MYO1D: variants seen among roughly 807,000 people sequenced by gnomAD.
MYO1D encodes the protein unconventional myosin-Id.
A neutral mutation model predicts 122.0 loss-of-function variants in MYO1D; 83 were observed. The ratio of observed to expected loss-of-function variants is 0.68; its 90% CI spans 0.57 to 0.82. The LOEUF (loss-of-function observed/expected upper bound fraction) is 0.82, where lower values mean the gene tolerates loss of function less well. Ranked by LOEUF, MYO1D falls within the 40% of genes least tolerant of loss-of-function variation. The pLI is 0.00. For missense variants in MYO1D, 1,157 were observed against 1,269.5 expected (o/e 0.91, Z 1.35); for synonymous variants, 464 against 446.9 (o/e 1.04, Z -0.48).
chr17:32,766,086 T>C (rs1189746144), intron 7 of MYO1D, among the ~76,000 whole-genome samples: 2 of 152,068 alleles, frequency 1.3e-5, no homozygotes, highest in Admixed American at 6.5e-5. Context: ...GGTTTTGCCA[T>C]GTTGCCCAGG....
intron 1 of MYO1D, among the ~76,000 whole-genome samples, chr17:32,805,777 G>T (rs916049681): frequency 1.3e-5 from 2 of 152,126 alleles, no homozygotes; most frequent in African/African-American, 4.8e-5. Context: ...ACTGCTCTTG[G>T]ATCTGAATTC....
chr17:32,566,997 A>T (rs1169208061), intron 21 of MYO1D, among the ~76,000 whole-genome samples: 1 of 150,526 alleles, frequency 6.6e-6, no homozygotes, highest in African/African-American at 2.5e-5. Flanking sequence ...TGCTCCATCC[A>T]TGTTCACAGA....
intron 14 of MYO1D, among the ~76,000 whole-genome samples, chr17:32,733,003 T>C (rs1959262500): frequency 6.6e-6 from 1 of 152,208 alleles, no homozygotes; most frequent in South Asian, 2.1e-4. Context: ...AACCAGTGTC[T>C]GTGCCGGCAC....
intron 21 of MYO1D, among the ~76,000 whole-genome samples, chr17:32,497,402 A>C (rs1909159511): frequency 6.6e-6 from 1 of 152,126 alleles, no homozygotes; most frequent in Non-Finnish European, 1.5e-5. Flanking sequence ...GGCTGTGATG[A>C]GCTATGATGA....
At chr17:32,538,469 A>ATTT (rs61287547) in intron 21 of MYO1D, among the ~76,000 whole-genome samples, 13 of 113,592 alleles carry the variant, frequency 1.1e-4, no homozygotes, top group African/African-American at 3.7e-4. Context: ...TATTATTATT[A>ATTT]TTTTTTTTTT....
chr17:32,804,760 T>C (rs1038144365), intron 1 of MYO1D, among the ~76,000 whole-genome samples: 1 of 152,174 alleles, frequency 6.6e-6, no homozygotes, highest in Non-Finnish European at 1.5e-5. Flanking sequence ...TGGTCTGTGA[T>C]AAGTAAGGAA....
intron 20 of MYO1D, among the ~76,000 whole-genome samples, chr17:32,620,549 C>T (rs560979213): frequency 2.0e-5 from 3 of 152,112 alleles, no homozygotes; most frequent in South Asian, 2.1e-4. Context: ...CCAGGGAACC[C>T]CCCCCTGCCA....
intron 1 of MYO1D, among the ~76,000 whole-genome samples, chr17:32,844,383 A>G (rs1287991600): frequency 6.8e-6 from 1 of 146,738 alleles, no homozygotes; most frequent in African/African-American, 2.5e-5. Context: ...ATATATGTGT[A>G]TATATACTAT....
chr17:32,810,529 G>A (rs1335515882), intron 1 of MYO1D, among the ~76,000 whole-genome samples: 1 of 151,130 alleles, frequency 6.6e-6, no homozygotes, highest in Non-Finnish European at 1.5e-5. Context: ...CCAGGCTGGA[G>A]TGCAATGGCG....
intron 1 of MYO1D, among the ~76,000 whole-genome samples, chr17:32,834,093 G>A (rs1027032594): frequency 6.6e-6 from 1 of 152,128 alleles, no homozygotes; most frequent in African/African-American, 2.4e-5. Context: ...GACAAGGATG[G>A]TGCTCAGCAT....
intron 8 of MYO1D, 127 bp downstream of exon 8, chr17:32,764,751 A>T: frequency 1.0e-6 from 1 of 994,976 alleles, no homozygotes. Context: ...TATGGCCAGA[A>T]AGTATCATTA....
intron 14 of MYO1D, among the ~76,000 whole-genome samples, chr17:32,726,588 T>C (rs941742684): frequency 2.7e-5 from 4 of 150,024 alleles, no homozygotes; most frequent in South Asian, 2.1e-4. Flanking sequence ...ATTATATCTA[T>C]ATCATCTAAT....
chr17:32,707,315 A>C (rs2089321359), intron 16 of MYO1D, among the ~76,000 whole-genome samples: 1 of 152,160 alleles, frequency 6.6e-6, no homozygotes, highest in African/African-American at 2.4e-5. Context: ...TGTAGAAATA[A>C]GGTATTATTT....
At chr17:32,522,732 C>T (rs1461263967) in intron 21 of MYO1D, among the ~76,000 whole-genome samples, 3 of 151,968 alleles carry the variant, frequency 2.0e-5, no homozygotes, top group African/African-American at 7.3e-5. Context: ...TGCTCATTAC[C>T]CACTGAGGAG....
intron 16 of MYO1D, among the ~76,000 whole-genome samples, chr17:32,685,996 T>A (rs1471958929): frequency 6.6e-6 from 1 of 152,136 alleles, no homozygotes; most frequent in African/African-American, 2.4e-5. Context: ...TCCACCAAGT[T>A]TTAGAGTGAT....
intron 1 of MYO1D, among the ~76,000 whole-genome samples, chr17:32,825,617 A>G (rs142212242): frequency 1.1e-3 from 165 of 152,346 alleles, no homozygotes; most frequent in African/African-American, 3.8e-3. Context: ...GCAAGGTCAC[A>G]TGCTCATATG....
At chr17:32,822,053 T>C (rs2090670526) in intron 1 of MYO1D, among the ~76,000 whole-genome samples, 1 of 152,214 alleles carries the variant, frequency 6.6e-6, no homozygotes, top group South Asian at 2.1e-4. Context: ...TAAATCATGC[T>C]GCTATAAAGA....
intron 1 of MYO1D, among the ~76,000 whole-genome samples, chr17:32,864,573 G>C (rs1283544571): frequency 8.5e-6 from 1 of 118,166 alleles, no homozygotes; most frequent in East Asian, 2.0e-4. Flanking sequence ...AAAAAAAAAG[G>C]AGAGAAATGT....
At chr17:32,604,162 T>C (rs1252027105) in intron 21 of MYO1D, among the ~76,000 whole-genome samples, 1 of 151,346 alleles carries the variant, frequency 6.6e-6, no homozygotes, top group Non-Finnish European at 1.5e-5. Flanking sequence ...ATGTGTTTGT[T>C]GAGAGAAAGA....
Sources: gnomAD v4.1 joint callset for allele counts (sites outside exome capture counted in the v4.1 genomes callset) on GRCh38, gnomAD v4.1.1 for gene constraint, MANE v1.5 for transcripts, NCBI Gene and HGNC (gene_info 2026-07-23, HGNC 2026-07-21) for gene names.